The following SND1 variants were observed in gnomAD, a reference collection of about 807,000 sequenced individuals.
SND1 encodes staphylococcal nuclease and tudor domain containing 1, also known as staphylococcal nuclease domain-containing protein 1.
In SND1, 38 loss-of-function variants were observed where a neutral mutation model predicts 121.7. The observed-to-expected ratio is 0.31, with a 90% CI of 0.24 to 0.41. The LOEUF is 0.41. SND1 is among the 10% of genes least tolerant of loss of function. The pLI is 1.00. For missense variants in SND1, 868 were observed against 1,184.6 expected, an observed-to-expected ratio of 0.73 and a Z score of 3.92; for synonymous variants, 401 against 447.4, an observed-to-expected ratio of 0.90 and a Z score of 1.31.
chr7:127,973,620 C>T (rs1802050804), intron 15 of SND1, among the ~76,000 whole-genome samples: 1 of 152,208 alleles, frequency 6.6e-6, no homozygotes, highest in South Asian at 2.1e-4. Flanking sequence ...CTCTCCTCTT[C>T]CCAGCCACAC....
chr7:127,822,087 G>A (rs568066441), intron 11 of SND1, among the ~76,000 whole-genome samples: 210 of 152,178 alleles, frequency 1.4e-3, no homozygotes, highest in Admixed American at 3.1e-3. Flanking sequence ...TGCTAATAAA[G>A]GGTATAAGTT....
At chr7:127,950,216 C>CT (rs568839062) in intron 15 of SND1, among the ~76,000 whole-genome samples, 4 of 151,604 alleles carry the variant, frequency 2.6e-5, no homozygotes, top group African/African-American at 9.7e-5. Context: ...TTCCCTCCCC[C>CT]TTTTTTTTTC....
At chr7:127,926,557 T>C (rs908756498) in intron 14 of SND1, among the ~76,000 whole-genome samples, 20 of 139,160 alleles carry the variant, frequency 1.4e-4, no homozygotes, top group Middle Eastern at 3.5e-3. Context: ...TTCTTTTTTT[T>C]TTTTTTTTTT....
chr7:127,652,641 C>G (rs1394258516), intron 1 of SND1, among the ~76,000 whole-genome samples, 190 bp downstream of exon 1: 1 of 152,220 alleles, frequency 6.6e-6, no homozygotes, highest in Non-Finnish European at 1.5e-5. Flanking sequence ...TTCCTTGCCT[C>G]CCGGACACCT....
intron 12 of SND1, among the ~76,000 whole-genome samples, chr7:127,877,558 T>C (rs1207782802): frequency 2.6e-5 from 4 of 152,072 alleles, no homozygotes; most frequent in Non-Finnish European, 5.9e-5. Flanking sequence ...GTAGCTCTTT[T>C]GGCTAGGGGA....
At chr7:127,997,839 G>T (rs752834511) in intron 16 of SND1, 1 of 534,688 alleles carries the variant, frequency 1.9e-6, no homozygotes, top group Non-Finnish European at 3.8e-6. Context: ...ATCAGTCATC[G>T]CCCTTGCTTG....
intron 10 of SND1, among the ~76,000 whole-genome samples, chr7:127,786,705 G>A (rs370887571): frequency 1.4e-4 from 22 of 152,026 alleles, no homozygotes; most frequent in Non-Finnish European, 2.4e-4. Context: ...GTGCAGTGGC[G>A]CGATCTCGAC....
chr7:127,920,870 A>C (rs1444263791), intron 14 of SND1, among the ~76,000 whole-genome samples: 1 of 152,012 alleles, frequency 6.6e-6, no homozygotes, highest in African/African-American at 2.4e-5. Flanking sequence ...AAAAAAAAAA[A>C]AAAAGCATTC....
At chr7:127,899,250 A>G (rs145212660) in intron 13 of SND1, among the ~76,000 whole-genome samples, 2 of 151,640 alleles carry the variant, frequency 1.3e-5, no homozygotes, top group African/African-American at 4.8e-5. Flanking sequence ...TTATAATTAC[A>G]TGCTGAACTG....
chr7:127,935,161 G>C (rs1465313353), intron 15 of SND1, among the ~76,000 whole-genome samples: 1 of 152,226 alleles, frequency 6.6e-6, no homozygotes, highest in Non-Finnish European at 1.5e-5. Flanking sequence ...TGACTGGGAA[G>C]TAAAAGTGGG....
chr7:127,903,089 G>A (rs1012187559), intron 13 of SND1, among the ~76,000 whole-genome samples: 3 of 152,088 alleles, frequency 2.0e-5, no homozygotes, highest in East Asian at 1.9e-4. Context: ...TCACCATATT[G>A]GCCAGGCTGG....
chr7:128,081,828 A>G, intron 18 of SND1: 1 of 562,692 alleles, frequency 1.8e-6, no homozygotes, highest in Non-Finnish European at 3.6e-6. Flanking sequence ...GTTCCTACAT[A>G]CCCCTGGCTA....
intron 10 of SND1, among the ~76,000 whole-genome samples, chr7:127,754,015 T>G (rs909046845): frequency 6.6e-6 from 1 of 152,198 alleles, no homozygotes; most frequent in Admixed American, 6.5e-5. Flanking sequence ...TATTCACATT[T>G]AGCCCAAAGT....
intron 14 of SND1, among the ~76,000 whole-genome samples, chr7:127,915,834 T>A (rs1800562369): frequency 6.6e-6 from 1 of 152,204 alleles, no homozygotes; most frequent in Admixed American, 6.5e-5. Flanking sequence ...TTGTTTGTGT[T>A]CACAATGGAA....
chr7:128,019,830 T>C (rs1019313944), intron 16 of SND1, among the ~76,000 whole-genome samples: 1 of 152,220 alleles, frequency 6.6e-6, no homozygotes, highest in African/African-American at 2.4e-5. Context: ...GACAATTTCC[T>C]AGCTTTCTGG....
intron 13 of SND1, among the ~76,000 whole-genome samples, chr7:127,889,382 T>G (rs1220424587): frequency 2.0e-5 from 3 of 152,048 alleles, no homozygotes; most frequent in Non-Finnish European, 4.4e-5. Flanking sequence ...AATTTTACTT[T>G]TTGTGAGTAT....
chr7:127,913,756 A>G lies in SND1; in HGVS notation c.1527+8937A>G, dbSNP rs866523945. On this transcript the variant is annotated intron_variant, in intron 14 of 23. Coordinates refer to ENST00000354725, the MANE Select transcript of SND1 (RefSeq NM_014390.4). ...GTGATAAAATTTGAAATATTTCTGC[A>G]TAGCCCCAGATTCACTCTCCACTTT... Among the ~76,000 whole-genome samples, 5 of 152,342 alleles carry G rather than the reference A, an allele frequency of 3.3e-5. No individual in the cohort carries two copies. The South Asian group carries it at 1.0e-3, about 32-fold the overall frequency.
intron 16 of SND1, among the ~76,000 whole-genome samples, chr7:128,064,579 G>A (rs1793282458): frequency 6.6e-6 from 1 of 152,208 alleles, no homozygotes; most frequent in Non-Finnish European, 1.5e-5. Context: ...TAGTGAAGGT[G>A]AGAGATTCAG....
intron 12 of SND1, among the ~76,000 whole-genome samples, chr7:127,859,692 A>T (rs918949882): frequency 6.6e-6 from 1 of 152,200 alleles, no homozygotes; most frequent in African/African-American, 2.4e-5. Context: ...TGATGCCCAA[A>T]ATTAAAATCT....
Sources: gnomAD v4.1 joint callset for allele counts (sites outside exome capture counted in the v4.1 genomes callset) on GRCh38, gnomAD v4.1.1 for gene constraint, MANE v1.5 for transcripts, NCBI Gene and HGNC (gene_info 2026-07-23, HGNC 2026-07-21) for gene names.